KCTD1: variants seen among roughly 807,000 people sequenced by gnomAD.
KCTD1 encodes the protein BTB/POZ domain-containing protein KCTD1.
In KCTD1, 24 loss-of-function variants were observed where a neutral mutation model predicts 66.0. That is an observed-to-expected ratio of 0.36 (90% confidence interval 0.26 to 0.51). The LOEUF (loss-of-function observed/expected upper bound fraction) is 0.51, where lower values mean the gene tolerates loss of function less well. KCTD1 is among the 20% of genes least tolerant of loss of function. KCTD1 has a pLI of 0.95. For synonymous variants in KCTD1, 511 were observed against 517.2 expected (o/e 0.99, Z 0.16); for missense variants, 943 against 1,205.2 (o/e 0.78, Z 3.22).
intron 1 of KCTD1, among the ~76,000 whole-genome samples, chr18:26,524,589 T>C (rs1039013536): frequency 2.6e-5 from 4 of 152,196 alleles, no homozygotes; most frequent in African/African-American, 4.8e-5. Context: ...AATTTTTCCC[T>C]AACCTTTAAG....
intron 1 of KCTD1, among the ~76,000 whole-genome samples, chr18:26,527,650 T>C (rs2144765434): frequency 6.6e-6 from 1 of 152,294 alleles, no homozygotes; most frequent in South Asian, 2.1e-4. Context: ...CTGTAAAGTA[T>C]GGACCTTGAG....
At chr18:26,521,961 A>C (rs1983933838) in intron 1 of KCTD1, among the ~76,000 whole-genome samples, 1 of 152,244 alleles carries the variant, frequency 6.6e-6, no homozygotes, top group Non-Finnish European at 1.5e-5. Flanking sequence ...TTGTATATGA[A>C]CCATACCTCA....
chr18:26,546,919 C>T lies in KCTD1; in HGVS notation c.1618G>A (p.Val540Met), dbSNP rs1183198637. 1.4e-6 allele frequency: 2 copies of T among 1,475,516 alleles called. No homozygotes were observed. Among genetic ancestry groups the T allele is most frequent in the African/African-American group, 2.8e-5 (2 of 70,574 alleles). 91.4% of individuals were successfully genotyped at this position (1,475,516 alleles called of 1,614,324 possible). A position where few individuals can be genotyped will look rare whatever the true frequency, so the allele number is the denominator to read the frequency against. Residue 540 changes from valine to methionine, a missense_variant, in exon 1 of 5, where the codon GTG (valine) becomes ATG (methionine). This residue lies in a region of KCTD1 where 197 missense variants were observed against 182.7 expected (regional missense o/e 1.08). Coordinates refer to ENST00000580059, the MANE Select transcript of KCTD1 (RefSeq NM_001142730.3). ...AAPKRALYES[V>M]FGSGEICGPT... ...CCGCAGATTTCCCCCGACCCGAACA[C>T]AGACTCGTACAGGGCGCGCTTGGGC...
At chr18:26,534,442 T>C (rs1456111841) in intron 1 of KCTD1, among the ~76,000 whole-genome samples, 1 of 152,146 alleles carries the variant, frequency 6.6e-6, no homozygotes, top group Non-Finnish European at 1.5e-5. Context: ...ACTGGTTTCT[T>C]TGTACATCTC....
At position 26,495,946 on chromosome 18, in the gene KCTD1, T is replaced by G. The variant is rs762554850; in HGVS notation, c.1988+5126A>C. Among the ~76,000 whole-genome samples the G allele has an allele frequency of 2.0e-5, 3 of 152,206 alleles. 1 individual carries two copies. The highest frequency in any genetic ancestry group is 4.4e-5 in the Non-Finnish European group (3 of 68,038). ...TTTTGTTGGAGGTAATAGTAGAGAA[T>G]GAATAGATCTAACTTTGAAATCAGA... On this transcript the variant is annotated intron_variant, in intron 2 of 4. Coordinates refer to ENST00000580059, the MANE Select transcript of KCTD1 (RefSeq NM_001142730.3).
At chr18:26,512,987 A>T (rs72885479) in intron 1 of KCTD1, among the ~76,000 whole-genome samples, 15,645 of 150,882 alleles carry the variant, frequency 0.1, 1,066 homozygotes, top group Middle Eastern at 0.18. Flanking sequence ...TCAAAAAAAA[A>T]TTTTTTTTTT....
intron 3 of KCTD1, among the ~76,000 whole-genome samples, chr18:26,471,880 T>C (rs1221712020): frequency 1.3e-5 from 2 of 152,128 alleles, no homozygotes; most frequent in East Asian, 3.8e-4. Flanking sequence ...GTGAAGCCAC[T>C]CCAAGGAGTC....
intron 3 of KCTD1, 32 bp from the exon 4 acceptor site, chr18:26,459,957 A>G: frequency 6.7e-7 from 1 of 1,487,208 alleles, no homozygotes; most frequent in South Asian, 1.3e-5. Context: ...CACAGTGCAA[A>G]CTGCAAACAT....
intron 1 of KCTD1, among the ~76,000 whole-genome samples, chr18:26,523,340 T>G (rs752263057): frequency 6.6e-6 from 1 of 152,254 alleles, no homozygotes; most frequent in Non-Finnish European, 1.5e-5. Context: ...CTGTTGCAGA[T>G]AGTGACTTAC....
Position 26,546,983 on chromosome 18 carries a change from T to C in KCTD1, c.1554A>G (p.Lys518=). 5 of 1,466,870 alleles carry C rather than the reference T, an allele frequency of 3.4e-6. No homozygotes were observed. The Admixed American group carries it at 9.3e-5, about 27-fold the overall frequency. 90.9% of individuals were successfully genotyped at this position (1,466,870 alleles called of 1,614,324 possible). The change falls in exon 1 of 5, where the codon AAA becomes AAG. Residue 518 remains lysine, a synonymous_variant. Transcript: ENST00000580059. ...TCACGTCGGGCCCGACCTGGCTGTC[T>C]TTGGGGAGGATGTAAGTGTTCCCCA... ...PSLGNTYILP[K]DSQVGPDVKS...
intron 1 of KCTD1, among the ~76,000 whole-genome samples, chr18:26,639,705 T>G (rs1987795628): frequency 1.3e-5 from 2 of 152,316 alleles, no homozygotes; most frequent in South Asian, 4.1e-4. Context: ...AGATTTGCTT[T>G]GTTTAATCCT....
At chr18:26,456,822 G>A (rs1980111880) in intron 4 of KCTD1, 1 of 151,246 alleles carries the variant, frequency 6.6e-6, no homozygotes, top group African/African-American at 2.4e-5. Context: ...GTTTCTTTAG[G>A]AATCCAACAA....
chr18:26,546,590 T>G, intron 1 of KCTD1, 138 bp downstream of exon 1: 1 of 1,029,426 alleles, frequency 9.7e-7, no homozygotes. Flanking sequence ...AGTTAACTTC[T>G]AAGGGTGAAA....
chr18:26,476,766 C>A lies in KCTD1; in HGVS notation c.1989-107G>T. ...TCAAAGGTAGCACTTTTGAAGATGGCAGTAGGGAAAAATTACGATTGTCTG... is the reference window on the plus strand; with the variant it reads ...TCAAAGGTAGCACTTTTGAAGATGGAAGTAGGGAAAAATTACGATTGTCTG... On this transcript the variant is annotated intron_variant, in intron 2 of 4. Coordinates refer to ENST00000580059, the MANE Select transcript of KCTD1 (RefSeq NM_001142730.3). This position sits in a 1 kb window ranked among gnomAD's most constrained non-coding sequence, Gnocchi z 4.9. 1.1e-6 allele frequency: 1 copy of A among 945,114 alleles called. No homozygotes were observed. The highest frequency in any genetic ancestry group is 1.6e-6 in the Non-Finnish European group (1 of 619,664). The allele number at this position is 945,114 out of a possible 1,614,324, so 58.5% of individuals were successfully genotyped here.
intron 1 of KCTD1, among the ~76,000 whole-genome samples, chr18:26,599,235 C>G (rs1986835528): frequency 6.6e-6 from 1 of 152,092 alleles, no homozygotes; most frequent in Admixed American, 6.6e-5. Flanking sequence ...ATGTAGATAT[C>G]CAGTTGTTCC....
At chr18:26,633,769 C>T (rs1365241192), upstream of KCTD1, among the ~76,000 whole-genome samples, 3 of 152,156 alleles carry the variant, frequency 2.0e-5, no homozygotes, top group African/African-American at 4.8e-5. Flanking sequence ...AATTTACCAT[C>T]GTTAGGGAAA....
At chr18:26,549,831 C>T (rs780001452), upstream of KCTD1, 60 of 984,810 alleles carry the variant, frequency 6.1e-5, no homozygotes, top group African/African-American at 1.2e-4. Flanking sequence ...AAGAGCTCGC[C>T]GGGTCTCGCT....
At chr18:26,506,501 C>A (rs115440678) in intron 1 of KCTD1, among the ~76,000 whole-genome samples, 176 of 152,260 alleles carry the variant, frequency 1.2e-3, no homozygotes, top group African/African-American at 3.9e-3. Context: ...AGTGGGAGAG[C>A]ACATGGTACC....
intron 1 of KCTD1, among the ~76,000 whole-genome samples, chr18:26,620,079 C>T (rs1172596929): frequency 6.6e-6 from 1 of 152,070 alleles, no homozygotes; most frequent in Admixed American, 6.5e-5. Flanking sequence ...CTGAACTCCT[C>T]GAGGGCAGAG....
Sources: allele counts gnomAD v4.1 joint callset (sites outside exome capture counted in the v4.1 genomes callset), GRCh38; gene constraint gnomAD v4.1.1; regional missense constraint gnomAD v4.1.1; non-coding constraint Gnocchi (gnomAD v3.1); transcripts MANE v1.5; gene names NCBI Gene and HGNC (gene_info 2026-07-23, HGNC 2026-07-21).